The following KHDRBS2 variants were observed in gnomAD, a reference collection of about 807,000 sequenced individuals.
KHDRBS2 encodes KH domain-containing, RNA-binding, signal transduction-associated protein 2.
A neutral mutation model predicts 44.3 loss-of-function variants in KHDRBS2; 26 were observed. The ratio of observed to expected loss-of-function variants is 0.59; its 90% CI spans 0.43 to 0.81. The LOEUF (loss-of-function observed/expected upper bound fraction) is 0.81, where lower values mean the gene tolerates loss of function less well. KHDRBS2 is among the 40% of genes least tolerant of loss of function. The pLI, the probability that KHDRBS2 is intolerant of heterozygous loss-of-function variation, is 0.00. For missense variants in KHDRBS2, 476 were observed against 433.1 expected, an observed-to-expected ratio of 1.10 and a Z score of -0.88; for synonymous variants, 194 against 151.1, an observed-to-expected ratio of 1.28 and a Z score of -2.08.
At chr6:61,954,158 G>C (rs1219483376) in intron 4 of KHDRBS2, among the ~76,000 whole-genome samples, 6 of 152,040 alleles carry the variant, frequency 3.9e-5, no homozygotes, top group South Asian at 2.1e-4. Flanking sequence ...GTATGTCATT[G>C]TTTCCAGAAG....
chr6:61,607,546 G>T, the KHDRBS2 span, among the ~76,000 whole-genome samples: 14 of 30,136 alleles, frequency 4.6e-4, no homozygotes, highest in East Asian at 5.1e-3. Flanking sequence ...AAAAAAAAAA[G>T]ATGTGTGAGA....
At position 62,018,608 on chromosome 6, in the gene KHDRBS2, G is replaced by C. The variant is rs1369404917; in HGVS notation, c.336+29270C>G. 2.6e-5 allele frequency among the ~76,000 whole-genome samples: 4 copies of C among 151,996 alleles called. No individual in the cohort carries two copies. In the East Asian group the frequency reaches 7.7e-4, roughly 29 times the overall value. The stretch of plus-strand genomic sequence containing the variant: ...GATCCGCGCGCCTTGGCCTCCCAAA[G>C]TGCTGGGATTACAGGCGTGAGCCAC... On this transcript the variant is annotated intron_variant, in intron 3 of 8. Coordinates refer to ENST00000281156, the MANE Select transcript of KHDRBS2 (RefSeq NM_152688.4).
intron 2 of KHDRBS2, among the ~76,000 whole-genome samples, chr6:62,065,527 G>A (rs1044048565): frequency 3.5e-4 from 53 of 149,334 alleles, no homozygotes; most frequent in Admixed American, 1.7e-3. Flanking sequence ...GTAAACTATC[G>A]CAAGAACAAA....
Position 61,978,206 on chromosome 6 carries a change from C to T in KHDRBS2, c.343G>A (p.Glu115Lys), listed in dbSNP as rs774766236. Residue 115 changes from glutamate (E) to lysine (K), a missense_variant, in exon 4 of 9, where the codon GAA becomes AAA. Glu to Lys is a moderately conservative substitution (Grantham distance 56). Transcript: ENST00000281156. ...TTGGCTTCCCCACTCTTCCTTAGTT[C>T]TTCTTCCTGTGAAAAAGGTTATTTT... Reference protein sequence around the residue: ...GSMRDKAKEEELRKSGEAKYA... With the variant: ...GSMRDKAKEEKLRKSGEAKYA... The T allele has an allele frequency of 3.8e-6, 6 of 1,599,934 alleles. No individual in the cohort carries two copies. Among genetic ancestry groups the T allele is most frequent in the East Asian group, 2.2e-5 (1 of 44,736 alleles).
intron 1 of KHDRBS2, among the ~76,000 whole-genome samples, chr6:62,238,366 C>T (rs544818028): frequency 2.6e-5 from 4 of 152,058 alleles, no homozygotes; most frequent in Non-Finnish European, 5.9e-5. Flanking sequence ...ATAAGAAACT[C>T]CCAAACTGTT....
intron 3 of KHDRBS2, among the ~76,000 whole-genome samples, chr6:62,045,552 C>A (rs2127303994): frequency 6.6e-6 from 1 of 151,964 alleles, no homozygotes. Flanking sequence ...TCTGTCTTTC[C>A]CATTGGAATG....
At chr6:62,083,225 A>G (rs971277058) in intron 2 of KHDRBS2, among the ~76,000 whole-genome samples, 3 of 152,088 alleles carry the variant, frequency 2.0e-5, no homozygotes, top group African/African-American at 7.2e-5. Context: ...CCAGCTTAAC[A>G]TCGGTGAGAA....
At chr6:61,566,678 A>C in the KHDRBS2 span, among the ~76,000 whole-genome samples, 2 of 150,114 alleles carry the variant, frequency 1.3e-5, no homozygotes, top group South Asian at 2.1e-4. Flanking sequence ...CTCAGTTTTA[A>C]ATTTTGCAAA....
intron 4 of KHDRBS2, among the ~76,000 whole-genome samples, chr6:61,953,344 A>C (rs976780845): frequency 6.6e-6 from 1 of 152,082 alleles, no homozygotes; most frequent in Admixed American, 6.6e-5. Flanking sequence ...TGTAAAAATT[A>C]TAGTTAGTCC....
At position 61,712,853 on chromosome 6, in the gene KHDRBS2, C is replaced by T. The variant is rs150292687; in HGVS notation, c.894-15600G>A. On this transcript the variant is annotated intron_variant, in intron 7 of 8. Transcript: ENST00000281156. The stretch of plus-strand genomic sequence containing the variant: ...CTTCTCTTTTGCTTCTTTCATATGT[C>T]TCCTATAATTTAATAGTACTGAATA... Among the ~76,000 whole-genome samples, 461 of 151,778 alleles carry T rather than the reference C, an allele frequency of 3.0e-3. 4 individuals carry two copies. Among genetic ancestry groups the T allele is most frequent in the African/African-American group, 0.011 (445 of 41,480 alleles).
chr6:62,233,708 T>C (rs562829484), intron 1 of KHDRBS2, among the ~76,000 whole-genome samples: 2 of 152,214 alleles, frequency 1.3e-5, no homozygotes, highest in South Asian at 2.1e-4. Flanking sequence ...TCTCATCGTT[T>C]AGCACCCACT....
At chr6:61,973,877 A>G (rs1320442243) in intron 4 of KHDRBS2, among the ~76,000 whole-genome samples, 1 of 152,200 alleles carries the variant, frequency 6.6e-6, no homozygotes, top group African/African-American at 2.4e-5. Flanking sequence ...CCAAGGTAGA[A>G]AAGAGAATCA....
intron 2 of KHDRBS2, among the ~76,000 whole-genome samples, chr6:62,063,539 T>C (rs1792635160): frequency 6.6e-6 from 1 of 151,618 alleles, no homozygotes; most frequent in African/African-American, 2.4e-5. Context: ...CACATGATTA[T>C]CTCAATAGAT....
At chr6:61,551,745 T>C in the KHDRBS2 span, among the ~76,000 whole-genome samples, 1 of 152,182 alleles carries the variant, frequency 6.6e-6, no homozygotes, top group South Asian at 2.1e-4. Context: ...TGGCATACCA[T>C]GCTGCTTGGG....
chr6:61,882,353 A>G (rs763714546), intron 6 of KHDRBS2, among the ~76,000 whole-genome samples: 29 of 152,038 alleles, frequency 1.9e-4, no homozygotes, highest in Non-Finnish European at 3.4e-4. Flanking sequence ...GGTGTTTATA[A>G]GTCAGAGGTA....
At chr6:61,929,510 T>C (rs1809613745) in intron 4 of KHDRBS2, among the ~76,000 whole-genome samples, 1 of 152,180 alleles carries the variant, frequency 6.6e-6, no homozygotes, top group African/African-American at 2.4e-5. Flanking sequence ...TGTATACCTG[T>C]TATTTAGTAA....
intron 2 of KHDRBS2, among the ~76,000 whole-genome samples, chr6:62,116,790 T>G (rs1193027388): frequency 6.6e-6 from 1 of 152,134 alleles, no homozygotes; most frequent in Non-Finnish European, 1.5e-5. Context: ...CAGCCTCTGG[T>G]AACTATCACT....
chr6:61,580,244 C>G, the KHDRBS2 span, among the ~76,000 whole-genome samples: 1 of 152,144 alleles, frequency 6.6e-6, no homozygotes, highest in Non-Finnish European at 1.5e-5. Context: ...AGCTGGGCTT[C>G]TGGCATGGGT....
In KHDRBS2 at chr6:62,102,153, T is replaced by C. The variant is rs140443971; in HGVS notation, c.220-54159A>G. Among the ~76,000 whole-genome samples, 541 of 152,352 alleles carry C rather than the reference T, an allele frequency of 3.6e-3. 5 individuals are homozygous for C. The highest frequency in any genetic ancestry group is 0.012 in the African/African-American group (499 of 41,586). On this transcript the variant is annotated intron_variant, in intron 2 of 8. Transcript: ENST00000281156. ...CTATATTCTAATGGTAATTATTTAA[T>C]AGGACTTGAAAATTCAGGATCCTTT...
Sources: gnomAD v4.1 joint callset for allele counts (sites outside exome capture counted in the v4.1 genomes callset) on GRCh38, gnomAD v4.1.1 for gene constraint, MANE v1.5 for transcripts, NCBI Gene and HGNC (gene_info 2026-07-23, HGNC 2026-07-21) for gene names.